AASDH: variants seen among roughly 807,000 people sequenced by gnomAD.
AASDH encodes aminoadipate-semialdehyde dehydrogenase, also known as beta-alanine-activating enzyme.
A neutral mutation model predicts 102.3 loss-of-function variants in AASDH; 81 were observed. The observed-to-expected ratio is 0.79, with a 90% confidence interval of 0.66 to 0.95. The LOEUF (loss-of-function observed/expected upper bound fraction) is 0.95. Among genes scored for constraint, AASDH ranks in the 40% least tolerant of loss-of-function variants. AASDH has a pLI of 0.00. For synonymous variants in AASDH, 398 were observed against 454.0 expected (o/e 0.88, Z 1.57); for missense variants, 1,203 against 1,266.2 (o/e 0.95, Z 0.76).
In AASDH at chr4:56,350,071, G is replaced by C; in HGVS notation, c.1693-13C>G. The C allele has an allele frequency of 6.4e-7, 1 of 1,551,062 alleles. No individual in the cohort carries two copies. Among genetic ancestry groups the C allele is most frequent in the South Asian group, 1.2e-5 (1 of 82,576 alleles). ...GATTCAGAGTAGACTACAGATGAGA[G>C]AATAGAGAAATATGTGACGTAAAGG... On this transcript the variant is annotated splice_polypyrimidine_tract_variant and intron_variant, in intron 10 of 14. Transcript: ENST00000205214.
chr4:56,342,444 G>T (rs1747815137), intron 14 of AASDH, among the ~76,000 whole-genome samples: 1 of 151,994 alleles, frequency 6.6e-6, no homozygotes, highest in African/African-American at 2.4e-5. Flanking sequence ...TCAATTAAAA[G>T]AATCCAGGGG....
chr4:56,350,875 G>T (rs931613343), intron 10 of AASDH, among the ~76,000 whole-genome samples: 66 of 152,050 alleles, frequency 4.3e-4, no homozygotes, highest in Admixed American at 4.3e-3. Context: ...TTTTATTTAA[G>T]AAAAATTATT....
chr4:56,355,529 G>T, intron 5 of AASDH, 106 bp from the exon 6 acceptor site: 1 of 1,020,110 alleles, frequency 9.8e-7, no homozygotes, highest in Non-Finnish European at 1.4e-6. Flanking sequence ...ACATGGAAAT[G>T]AAGGCTGTGT....
At chr4:56,361,149 C>T (rs1038148353) in intron 5 of AASDH, among the ~76,000 whole-genome samples, 4 of 152,196 alleles carry the variant, frequency 2.6e-5, no homozygotes, top group Non-Finnish European at 4.4e-5. Flanking sequence ...TGGTGACTCA[C>T]GCCTGTAATC....
intron 1 of AASDH, among the ~76,000 whole-genome samples, chr4:56,384,594 A>G (rs1753337691): frequency 6.6e-6 from 1 of 152,224 alleles, no homozygotes; most frequent in South Asian, 2.1e-4. Context: ...ACACAGATGA[A>G]AATGAAGCAG....
In AASDH at chr4:56,338,299, C is replaced by A; in HGVS notation, c.*103G>T. On this transcript the variant is annotated 3_prime_UTR_variant, in exon 15 of 15. Coordinates refer to ENST00000205214, the MANE Select transcript of AASDH (RefSeq NM_181806.4). ...TGTAGACAAGTTTCCGTTTCTTAGC[C>A]AAAATATAATCTTCTTTAATATAAA... The A allele has an allele frequency of 7.6e-7, 1 of 1,320,940 alleles. No homozygotes were observed. The highest frequency in any genetic ancestry group is 1.5e-5 in the South Asian group (1 of 65,994). The allele number at this position is 1,320,940 out of a possible 1,614,324, so 81.8% of individuals were successfully genotyped here.
chr4:56,375,748 A>G (rs995725566), intron 4 of AASDH, among the ~76,000 whole-genome samples: 4 of 152,074 alleles, frequency 2.6e-5, no homozygotes, highest in Non-Finnish European at 5.9e-5. Context: ...CTTAGGTATG[A>G]CTTGGCCTTC....
intron 5 of AASDH, chr4:56,356,841 G>GGGC: frequency 1.2e-6 from 1 of 841,590 alleles, no homozygotes; most frequent in Non-Finnish European, 2.0e-6. Context: ...ACCGTCACTG[G>GGGC]GGCGGCAATG....
intron 5 of AASDH, among the ~76,000 whole-genome samples, chr4:56,361,781 G>T (rs1168222598): frequency 2.0e-5 from 3 of 152,054 alleles, no homozygotes; most frequent in Admixed American, 6.6e-5. Flanking sequence ...GACCAGCCTG[G>T]GCAACACAGG....
intron 3 of AASDH, among the ~76,000 whole-genome samples, chr4:56,379,533 A>C (rs995169941): frequency 6.6e-6 from 1 of 152,090 alleles, no homozygotes; most frequent in Admixed American, 6.6e-5. Flanking sequence ...AGTGGGGGGA[A>C]GTACTTGCTG....
At chr4:56,341,820 A>T in intron 14 of AASDH, among the ~76,000 whole-genome samples, 1 of 152,138 alleles carries the variant, frequency 6.6e-6, no homozygotes. Flanking sequence ...ATGGAATATT[A>T]GAAGTTGGGG....
intron 4 of AASDH, among the ~76,000 whole-genome samples, chr4:56,376,696 A>G (rs1752373282): frequency 6.6e-6 from 1 of 152,278 alleles, no homozygotes; most frequent in South Asian, 2.1e-4. Flanking sequence ...AATGCAAAAT[A>G]TCTTACTAGT....
Position 56,371,306 on chromosome 4 carries a change from G to C in AASDH, c.861+145C>G, listed in dbSNP as rs549379417. 3.7e-5 allele frequency: 28 copies of C among 760,750 alleles called. No individual in the cohort carries two copies. In the African/African-American group the frequency reaches 4.3e-4, roughly 12 times the overall value. 47.1% of individuals were successfully genotyped at this position (760,750 alleles called of 1,614,324 possible). ...CATTTTCAAATAAACAACAAAAAAA[G>C]TCACATCCTGAGGAGACGGCCCTTG... On this transcript the variant is annotated intron_variant, in intron 5 of 14. Coordinates refer to ENST00000205214, the MANE Select transcript of AASDH (RefSeq NM_181806.4).
At chr4:56,339,204 A>C (rs184984088) in intron 14 of AASDH, among the ~76,000 whole-genome samples, 4,321 of 151,572 alleles carry the variant, frequency 0.029, 120 homozygotes, top group Admixed American at 0.073. Context: ...CCCAGGCTGG[A>C]GTGCAGTGGC....
intron 2 of AASDH, among the ~76,000 whole-genome samples, 161 bp from the exon 3 acceptor site, chr4:56,382,758 C>T (rs1753126617): frequency 6.6e-6 from 1 of 152,170 alleles, no homozygotes; most frequent in African/African-American, 2.4e-5. Context: ...TTTTCACTGA[C>T]ACATAGTTGG....
rs772133272 is a variant in AASDH, at chr4:56,382,584, G to A, written c.244C>T (p.Pro82Ser). The A allele has an allele frequency of 2.5e-6, 4 of 1,606,486 alleles. No individual in the cohort carries two copies. In the Admixed American group the frequency reaches 6.9e-5, roughly 28 times the overall value. The change falls in exon 3 of 15, where the codon CCG becomes TCG. Residue 82 changes from proline to serine, a missense_variant. By Grantham distance (74) the Pro-to-Ser change is moderately conservative (BLOSUM62 -1). Coordinates refer to ENST00000205214, the MANE Select transcript of AASDH (RefSeq NM_181806.4). ...GGCTCGATAGGTACATAAGCAGCCG[G>A]GACTTGGAGAATTCTAAAGAAAAAA... ...PSWILGILQV[P>S]AAYVPIEPDS...
Position 56,350,074 on chromosome 4 carries a change from T to C in AASDH, c.1693-16A>G, listed in dbSNP as rs572319177. On this transcript the variant is annotated splice_polypyrimidine_tract_variant and intron_variant, in intron 10 of 14. Transcript: ENST00000205214. ...TCAGAGTAGACTACAGATGAGAGAA[T>C]AGAGAAATATGTGACGTAAAGGTCT... 3.2e-6 allele frequency: 5 copies of C among 1,546,554 alleles called. No homozygotes were observed. The African/African-American group carries it at 5.5e-5, about 17-fold the overall frequency.
chr4:56,376,920 AG>A (rs1370715165), intron 4 of AASDH, among the ~76,000 whole-genome samples: 1 of 150,854 alleles, frequency 6.6e-6, no homozygotes, highest in Non-Finnish European at 1.5e-5. Context: ...ACAAAAAATT[AG>A]CCGGGCGTAG....
At chr4:56,353,050 G>A (rs1749186640) in intron 9 of AASDH, among the ~76,000 whole-genome samples, 1 of 151,020 alleles carries the variant, frequency 6.6e-6, no homozygotes, top group African/African-American at 2.4e-5. Context: ...GAGTATAGTG[G>A]TTATTTACAG....
Sources: allele counts gnomAD v4.1 joint callset (sites outside exome capture counted in the v4.1 genomes callset), GRCh38; gene constraint gnomAD v4.1.1; transcripts MANE v1.5; gene names NCBI Gene and HGNC (gene_info 2026-07-23, HGNC 2026-07-21).